NBEA: variants seen among roughly 807,000 people sequenced by gnomAD.
NBEA encodes the protein neurobeachin, also known as lysosomal-trafficking regulator 2.
In NBEA, 44 loss-of-function variants were observed where a neutral mutation model predicts 343.4. That is an observed-to-expected ratio of 0.13 (90% confidence interval 0.10 to 0.16). The LOEUF (loss-of-function observed/expected upper bound fraction) is 0.16. NBEA is among the 10% of genes least tolerant of loss of function. The pLI is 1.00. For missense variants in NBEA, 2,555 were observed against 3,631.3 expected (o/e 0.70, Z 7.62); for synonymous variants, 1,175 against 1,238.7 (o/e 0.95, Z 1.08).
intron 10 of NBEA, among the ~76,000 whole-genome samples, chr13:35,097,245 T>C (rs556599958): frequency 6.6e-6 from 1 of 151,960 alleles, no homozygotes; most frequent in African/African-American, 2.4e-5. Flanking sequence ...TTCAGATTCC[T>C]TTTGGGCTTT....
At chr13:35,618,011 A>G (rs7317769) in intron 48 of NBEA, among the ~76,000 whole-genome samples, 34,745 of 152,080 alleles carry the variant, frequency 0.23, 4,171 homozygotes, top group African/African-American at 0.25. Context: ...CTAACTTTAT[A>G]TTGGCTGGGT....
chr13:35,163,666 G>A (rs2069754726), intron 23 of NBEA, among the ~76,000 whole-genome samples: 1 of 151,686 alleles, frequency 6.6e-6, no homozygotes, highest in Admixed American at 6.6e-5. Context: ...ACGAAAGCAG[G>A]GTATTTTTTT....
chr13:34,944,693 A>G (rs1037752107), intron 1 of NBEA, among the ~76,000 whole-genome samples: 4 of 151,806 alleles, frequency 2.6e-5, no homozygotes, highest in African/African-American at 4.9e-5. Context: ...TAAATCTCAA[A>G]CTGTTAGTAT....
At chr13:35,195,617 G>C (rs1290121118) in intron 30 of NBEA, among the ~76,000 whole-genome samples, 1 of 151,776 alleles carries the variant, frequency 6.6e-6, no homozygotes, top group Non-Finnish European at 1.5e-5. Flanking sequence ...GGCTGGTCTC[G>C]AACTCCTGAC....
intron 8 of NBEA, among the ~76,000 whole-genome samples, chr13:35,063,422 G>A (rs546065766): frequency 2.0e-5 from 3 of 151,948 alleles, no homozygotes; most frequent in Non-Finnish European, 2.9e-5. Context: ...GTGGATATAC[G>A]GGGAAGAGCT....
rs868195136 is a variant in NBEA, at chr13:35,476,090, T to C, written c.6585+3554T>C. The C allele has an allele frequency of 6.8e-6, 11 of 1,614,024 alleles. No homozygotes were observed. The African/African-American group carries it at 1.2e-4, about 18-fold the overall frequency. On this transcript the variant is annotated intron_variant, in intron 41 of 58. Transcript: ENST00000379939. ...GCTTTCCTGGCTTGGCATTTTTCGT[T>C]GTAGTATTTATTCAGATGGTAGACC...
At position 35,184,061 on chromosome 13, in the gene NBEA, A is replaced by G; in HGVS notation, c.4917A>G (p.Ser1639=). The change falls in exon 30 of 59, where the codon TCA becomes TCG. Residue 1639 remains serine, a synonymous_variant. Coordinates refer to ENST00000379939, the MANE Select transcript of NBEA (RefSeq NM_001385012.1). ...TTCCTGAGCAGAGCTTTGGCCACTC[A>G]TTTTACAAAGGTAATACTGACCTCA... ...KLIPEQSFGH[S]FYKETPAAFP... 6.2e-7 allele frequency: 1 copy of G among 1,609,686 alleles called. No individual in the cohort carries two copies. Among genetic ancestry groups the G allele is most frequent in the Non-Finnish European group, 8.5e-7 (1 of 1,176,804 alleles).
chr13:35,289,724 C>G (rs778848465), intron 34 of NBEA, among the ~76,000 whole-genome samples: 4 of 151,740 alleles, frequency 2.6e-5, no homozygotes, highest in South Asian at 4.1e-4. Context: ...TAAATATTGC[C>G]CAGCACATGC....
chr13:35,381,902 T>A (rs1181113265), intron 38 of NBEA, among the ~76,000 whole-genome samples: 1 of 152,282 alleles, frequency 6.6e-6, no homozygotes, highest in Non-Finnish European at 1.5e-5. Context: ...AATAATTTGT[T>A]TATTGTCCAT....
At chr13:35,522,206 C>T (rs995045979) in intron 41 of NBEA, among the ~76,000 whole-genome samples, 6 of 151,840 alleles carry the variant, frequency 4.0e-5, no homozygotes, top group African/African-American at 1.5e-4. Flanking sequence ...CCTGTAATCC[C>T]AGCAGTTTGG....
chr13:34,995,763 A>G (rs936445951), intron 1 of NBEA, among the ~76,000 whole-genome samples: 14 of 152,346 alleles, frequency 9.2e-5, no homozygotes, highest in Admixed American at 3.3e-4. Context: ...TTCAGCATGA[A>G]TGACTTCATA....
chr13:35,239,392 A>T (rs1019592083), intron 34 of NBEA, among the ~76,000 whole-genome samples: 1 of 152,114 alleles, frequency 6.6e-6, no homozygotes, highest in Non-Finnish European at 1.5e-5. Context: ...AAATTAAAGG[A>T]TATGACTGCT....
chr13:35,578,871 C>CA (rs1438334391), intron 45 of NBEA, among the ~76,000 whole-genome samples: 1 of 151,464 alleles, frequency 6.6e-6, no homozygotes, highest in African/African-American at 2.4e-5. Context: ...CAAGCCTAAA[C>CA]AAAAAATTAT....
chr13:35,525,117 A>G (rs1302511890), intron 41 of NBEA, among the ~76,000 whole-genome samples: 1 of 152,230 alleles, frequency 6.6e-6, no homozygotes, highest in Non-Finnish European at 1.5e-5. Context: ...TTATCTTGTT[A>G]CTGTCAAAGG....
chr13:35,122,508 G>A (rs992113105), intron 16 of NBEA, among the ~76,000 whole-genome samples: 31 of 148,816 alleles, frequency 2.1e-4, no homozygotes, highest in African/African-American at 6.9e-4. Context: ...CTCATAGGTG[G>A]GAATTGAACA....
At chr13:34,972,540 T>A (rs2060031738) in intron 1 of NBEA, among the ~76,000 whole-genome samples, 1 of 152,220 alleles carries the variant, frequency 6.6e-6, no homozygotes, top group African/African-American at 2.4e-5. Flanking sequence ...TTGTTCTCAT[T>A]GTTTCAAAGA....
chr13:35,577,251 T>C (rs56931977), intron 45 of NBEA, among the ~76,000 whole-genome samples: 5 of 152,302 alleles, frequency 3.3e-5, no homozygotes, highest in African/African-American at 1.2e-4. Flanking sequence ...AATATTATGA[T>C]TGACAGGTCT....
At chr13:35,577,109 G>GT (rs1339439363) in intron 45 of NBEA, among the ~76,000 whole-genome samples, 2 of 152,182 alleles carry the variant, frequency 1.3e-5, no homozygotes, top group African/African-American at 2.4e-5. Context: ...GCTTCCCTGT[G>GT]TTACAGTAAT....
chr13:34,997,845 G>A (rs572238672), intron 1 of NBEA, among the ~76,000 whole-genome samples: 15 of 152,200 alleles, frequency 9.9e-5, no homozygotes, highest in South Asian at 6.2e-4. Context: ...GGATTTTCTC[G>A]TAGCCCAGAG....
Sources: gnomAD v4.1 joint callset for allele counts (sites outside exome capture counted in the v4.1 genomes callset) on GRCh38, gnomAD v4.1.1 for gene constraint, MANE v1.5 for transcripts, NCBI Gene and HGNC (gene_info 2026-07-23, HGNC 2026-07-21) for gene names.